The following PTPRA variants were observed in gnomAD, a reference collection of about 807,000 sequenced individuals.
The protein encoded by PTPRA is receptor-type tyrosine-protein phosphatase alpha.
A neutral mutation model predicts 104.8 loss-of-function variants in PTPRA; 25 were observed. That is an observed-to-expected ratio of 0.24 (90% CI 0.17 to 0.33). PTPRA has a LOEUF of 0.33. Among genes scored for constraint, PTPRA ranks in the 10% least tolerant of loss-of-function variants. The pLI, the probability that PTPRA is intolerant of heterozygous loss-of-function variation, is 1.00. For missense variants in PTPRA, 765 were observed against 1,015.3 expected, an observed-to-expected ratio of 0.75 and a Z score of 3.35; for synonymous variants, 323 against 368.9, an observed-to-expected ratio of 0.88 and a Z score of 1.43.
At chr20:2,865,404 G>C in the PTPRA span, 37 of 1,614,140 alleles carry the variant, frequency 2.3e-5, 1 homozygote, top group South Asian at 3.8e-4. The surrounding 1 kb of genome is among the most constrained non-coding windows in gnomAD (Gnocchi z 5.2). Context: ...TGCAGGCTCT[G>C]GTGGCTGAAG....
intron 9 of PTPRA, among the ~76,000 whole-genome samples, chr20:2,988,739 A>C (rs1256359620): frequency 4.6e-5 from 7 of 152,230 alleles, no homozygotes; most frequent in Admixed American, 6.5e-5. Context: ...GCAAGCATCT[A>C]ATATTTGTCA....
At chr20:2,979,934 C>T (rs188328649) in intron 6 of PTPRA, among the ~76,000 whole-genome samples, 17 of 151,926 alleles carry the variant, frequency 1.1e-4, no homozygotes, top group South Asian at 2.1e-4. Flanking sequence ...TGTTTTGAGA[C>T]GGAGTTTTGC....
chr20:2,930,223 A>G (rs1331460388), intron 2 of PTPRA, among the ~76,000 whole-genome samples: 1 of 152,218 alleles, frequency 6.6e-6, no homozygotes, highest in East Asian at 1.9e-4. Context: ...ATGTAGTGCC[A>G]TTACTGAGAA....
intron 6 of PTPRA, 62 bp downstream of exon 6, chr20:2,975,303 C>G: frequency 7.1e-7 from 1 of 1,406,710 alleles, no homozygotes; most frequent in South Asian, 1.4e-5. Flanking sequence ...CATTTATTTC[C>G]TCTGCTCACA....
At chr20:2,975,086 C>A in intron 5 of PTPRA, 129 bp from the exon 6 acceptor site, 1 of 769,352 alleles carries the variant, frequency 1.3e-6, no homozygotes, top group Non-Finnish European at 2.0e-6. Context: ...CCTTGTTTCC[C>A]AGTTGTTGGA....
At chr20:2,904,466 C>G (rs969951181) in intron 1 of PTPRA, among the ~76,000 whole-genome samples, 1 of 151,642 alleles carries the variant, frequency 6.6e-6, no homozygotes, top group African/African-American at 2.4e-5. Context: ...GTCAGGAGAT[C>G]GAGACCATCC....
intron 1 of PTPRA, among the ~76,000 whole-genome samples, chr20:2,909,279 A>G (rs998188178): frequency 5.3e-5 from 8 of 151,694 alleles, no homozygotes; most frequent in Admixed American, 5.3e-4. Context: ...ATGGAGCGAA[A>G]TCCTGTCTCA....
At chr20:2,983,568 CA>C (rs58694839) in intron 6 of PTPRA, among the ~76,000 whole-genome samples, 52,031 of 93,494 alleles carry the variant, frequency 0.56, 13,100 homozygotes, top group African/African-American at 0.78. Flanking sequence ...AAAAAAAATG[CA>C]AAAAAAAAAA....
intron 2 of PTPRA, among the ~76,000 whole-genome samples, chr20:2,940,307 GTTTTCTTTTC>G (rs1352548451): frequency 6.7e-6 from 1 of 148,786 alleles, no homozygotes; most frequent in Admixed American, 6.7e-5. Context: ...ATTATATCTT[GTTTTCTTTTC>G]TTTTCTTTTT....
intron 1 of PTPRA, among the ~76,000 whole-genome samples, chr20:2,913,611 C>CT (rs2059798076): frequency 6.6e-6 from 1 of 152,088 alleles, no homozygotes; most frequent in African/African-American, 2.4e-5. Flanking sequence ...GTTTCTTCAT[C>CT]TTTAGATTCA....
chr20:2,956,870 G>C (rs2061555312), intron 3 of PTPRA, among the ~76,000 whole-genome samples: 1 of 152,154 alleles, frequency 6.6e-6, no homozygotes, highest in Non-Finnish European at 1.5e-5. Context: ...TTGTGTCAGA[G>C]GGGTTGTGCA....
intron 20 of PTPRA, 93 bp downstream of exon 20, chr20:3,027,934 G>A: frequency 6.5e-7 from 1 of 1,540,712 alleles, no homozygotes; most frequent in Non-Finnish European, 8.8e-7. Context: ...GAAGGTGTTT[G>A]GACCTTGTCT....
At chr20:2,940,617 T>C (rs556960665) in intron 2 of PTPRA, among the ~76,000 whole-genome samples, 1 of 152,250 alleles carries the variant, frequency 6.6e-6, no homozygotes, top group East Asian at 1.9e-4. Context: ...CTGGAGTGCA[T>C]TGGTGTAAAC....
chr20:2,983,970 A>G (rs963501463), intron 6 of PTPRA, among the ~76,000 whole-genome samples: 2 of 151,884 alleles, frequency 1.3e-5, no homozygotes, highest in African/African-American at 4.8e-5. Flanking sequence ...ACATTTAGAG[A>G]TCTGGTGTTG....
intron 14 of PTPRA, 132 bp from the exon 15 acceptor site, chr20:3,021,922 G>A (rs1600269572): frequency 2.6e-6 from 3 of 1,165,546 alleles, no homozygotes; most frequent in South Asian, 3.1e-5. Flanking sequence ...CCTTGTGTCT[G>A]TGGTTAACTA....
At chr20:2,964,207 G>T in intron 3 of PTPRA, 65 bp from the exon 4 acceptor site, 1 of 1,323,032 alleles carries the variant, frequency 7.6e-7, no homozygotes, top group East Asian at 2.4e-5. Flanking sequence ...TACTCTTCTG[G>T]TGACCAGCTC....
intron 20 of PTPRA, among the ~76,000 whole-genome samples, chr20:3,028,899 G>T (rs1474125981): frequency 6.6e-6 from 1 of 152,178 alleles, no homozygotes; most frequent in Non-Finnish European, 1.5e-5. Context: ...CTGGACTCGG[G>T]TGGTGAGAGG....
intron 9 of PTPRA, 96 bp downstream of exon 9, chr20:2,988,570 C>G (rs2063006000): frequency 2.0e-6 from 3 of 1,494,130 alleles, no homozygotes; most frequent in Non-Finnish European, 2.7e-6. Context: ...AAAAAATGGG[C>G]TTTTAATGTT....
the PTPRA span, chr20:2,864,632 G>A: frequency 1.2e-6 from 2 of 1,614,094 alleles, no homozygotes; most frequent in Middle Eastern, 1.6e-4. The surrounding 1 kb of genome is among the most constrained non-coding windows in gnomAD (Gnocchi z 5.2). Flanking sequence ...TTCCACATCC[G>A]AGCCAGCTAT....
Sources: gnomAD v4.1 joint callset for allele counts (sites outside exome capture counted in the v4.1 genomes callset) on GRCh38, gnomAD v4.1.1 for gene constraint, Gnocchi (gnomAD v3.1) non-coding constraint, MANE v1.5 for transcripts, NCBI Gene and HGNC (gene_info 2026-07-23, HGNC 2026-07-21) for gene names.